CNTNAP3: variants seen among roughly 807,000 people sequenced by gnomAD.
The protein encoded by CNTNAP3 is contactin associated protein family member 3.
In CNTNAP3, 36 loss-of-function variants were observed where a neutral mutation model predicts 92.1. The ratio of observed to expected loss-of-function variants is 0.39; its 90% CI spans 0.30 to 0.52. The LOEUF is 0.52. Among genes scored for constraint, CNTNAP3 ranks in the 20% least tolerant of loss-of-function variants. The pLI is 0.76. For missense variants in CNTNAP3, 534 were observed against 1,069.6 expected (o/e 0.50, Z 6.98); for synonymous variants, 232 against 422.3 (o/e 0.55, Z 5.53).
Position 39,073,398 on chromosome 9 carries a change from G to A in CNTNAP3, c.*492C>T. The A allele has an allele frequency of 3.2e-6, 1 of 316,364 alleles. No individual in the cohort carries two copies. Among genetic ancestry groups the A allele is most frequent in the South Asian group, 3.1e-5 (1 of 32,142 alleles). The allele number at this position is 316,364 out of a possible 1,614,324, so 19.6% of individuals were successfully genotyped here. ...AGCATTTCTTGTTTTATAAATATCA[G>A]CAGAGGACCAAAAAAAGGGATCCCA... On this transcript the variant is annotated 3_prime_UTR_variant, in exon 24 of 24. Transcript: ENST00000297668.
At chr9:39,159,659 G>GATATAT (rs1822041880) in intron 9 of CNTNAP3, 1 of 139,186 alleles carries the variant, frequency 7.2e-6, no homozygotes, top group Non-Finnish European at 1.5e-5. Context: ...TAGATAGATA[G>GATATAT]ATAGATAGAT....
At chr9:39,099,704 A>T (rs1039353514) in intron 18 of CNTNAP3, 10 of 776,254 alleles carry the variant, frequency 1.3e-5, no homozygotes, top group Non-Finnish European at 1.8e-5. Context: ...TCTTCTAAAT[A>T]AGAAACCCAG....
intron 3 of CNTNAP3, among the ~76,000 whole-genome samples, chr9:39,204,894 A>T (rs1587750829): frequency 2.3e-5 from 1 of 43,358 alleles, no homozygotes; most frequent in Non-Finnish European, 3.5e-5. Context: ...CTGAAATGAA[A>T]TTTTTTTAAC....
chr9:39,150,182 TA>T (rs1821809781), intron 9 of CNTNAP3, among the ~76,000 whole-genome samples: 2 of 151,898 alleles, frequency 1.3e-5, no homozygotes, highest in South Asian at 4.2e-4. Flanking sequence ...AATAAGAAAT[TA>T]TGGGGGAAAA....
intron 12 of CNTNAP3, among the ~76,000 whole-genome samples, chr9:39,134,094 A>G (rs1821367690): frequency 6.6e-6 from 1 of 152,156 alleles, no homozygotes; most frequent in Non-Finnish European, 1.5e-5. Context: ...CTTGGCTGCT[A>G]ACTGTGCGTA....
Position 39,109,486 on chromosome 9 carries a change from G to C in CNTNAP3, c.2238-199C>G, listed in dbSNP as rs570052248. Among the ~76,000 whole-genome samples, 6 of 152,234 alleles carry C rather than the reference G, an allele frequency of 3.9e-5. No individual in the cohort carries two copies. The South Asian group carries it at 1.2e-3, about 32-fold the overall frequency. ...AACATTTTGTGTAAAGGACCATACA[G>C]CAAGCTATCTTAGCTCAGCAGGCCA... On this transcript the variant is annotated intron_variant, in intron 14 of 23. Coordinates refer to ENST00000297668, the MANE Select transcript of CNTNAP3 (RefSeq NM_033655.5).
At chr9:39,109,128 T>TG in intron 15 of CNTNAP3, 32 bp downstream of exon 15, 1 of 1,595,260 alleles carries the variant, frequency 6.3e-7, no homozygotes, top group Non-Finnish European at 8.5e-7. Flanking sequence ...AAAGTTATTA[T>TG]GAAAATAAAG....
intron 18 of CNTNAP3, among the ~76,000 whole-genome samples, chr9:39,098,144 C>T (rs1468780090): frequency 6.8e-6 from 1 of 146,290 alleles, no homozygotes; most frequent in African/African-American, 2.5e-5. Context: ...AATTTACTGT[C>T]TGGATAGAAA....
In CNTNAP3 at chr9:39,069,039, T is replaced by C. The variant is rs1825578428; in HGVS notation, c.*4851A>G. ...ACATACACATATATATATGTATGTATATAACACACATGAATCATATCCTAA... is the reference window on the plus strand; with the variant it reads ...ACATACACATATATATATGTATGTACATAACACACATGAATCATATCCTAA... On this transcript the variant is annotated 3_prime_UTR_variant, in exon 24 of 24. Coordinates refer to ENST00000297668, the MANE Select transcript of CNTNAP3 (RefSeq NM_033655.5). Among the ~76,000 whole-genome samples the C allele has an allele frequency of 6.6e-6, 1 of 152,400 alleles. No individual in the cohort carries two copies. The highest frequency in any genetic ancestry group is 2.1e-4 in the South Asian group (1 of 4,828).
intron 9 of CNTNAP3, among the ~76,000 whole-genome samples, chr9:39,150,195 T>C (rs1001738913): frequency 6.6e-6 from 1 of 151,900 alleles, no homozygotes; most frequent in Non-Finnish European, 1.5e-5. Flanking sequence ...GGGGGAAAAT[T>C]CAGATCTAAA....
chr9:39,094,019 A>G (rs925588698), intron 18 of CNTNAP3, among the ~76,000 whole-genome samples: 7 of 147,530 alleles, frequency 4.7e-5, no homozygotes, highest in African/African-American at 1.7e-4. Context: ...TCTTGCCAAA[A>G]CTTGTTATTT....
chr9:39,151,771 TA>T (rs1821849438), intron 9 of CNTNAP3, among the ~76,000 whole-genome samples: 1 of 147,286 alleles, frequency 6.8e-6, no homozygotes, highest in South Asian at 2.2e-4. Flanking sequence ...ATATAGCTTT[TA>T]AAAATTTTAT....
chr9:39,110,822 C>G (rs2778197), intron 14 of CNTNAP3, among the ~76,000 whole-genome samples: 2 of 151,984 alleles, frequency 1.3e-5, no homozygotes, highest in African/African-American at 4.8e-5. Flanking sequence ...TATATTTTAT[C>G]ACATATATGT....
intron 12 of CNTNAP3, among the ~76,000 whole-genome samples, chr9:39,134,003 A>C (rs1403813011): frequency 1.3e-5 from 2 of 152,202 alleles, no homozygotes; most frequent in Admixed American, 6.5e-5. Flanking sequence ...ATTTTTTAAG[A>C]ACTACGAAAC....
rs570699517 is a variant in CNTNAP3, at chr9:39,136,359, C to T, written c.1877-3224G>A. On this transcript the variant is annotated intron_variant, in intron 12 of 23. Transcript: ENST00000297668. Reference sequence around the variant, plus strand: ...AGAAGAAGAAAGAAAATAAGATCCACTGTTCTGTTGTCAGGAGCATACATA... The same window carrying T: ...AGAAGAAGAAAGAAAATAAGATCCATTGTTCTGTTGTCAGGAGCATACATA... 5.9e-5 allele frequency among the ~76,000 whole-genome samples: 9 copies of T among 152,140 alleles called. No homozygotes were observed. The South Asian group carries it at 1.9e-3, about 32-fold the overall frequency.
At chr9:39,133,207 G>A (rs1341716846) in intron 12 of CNTNAP3, 72 bp from the exon 13 acceptor site, 1 of 1,476,178 alleles carries the variant, frequency 6.8e-7, no homozygotes, top group African/African-American at 1.4e-5. Context: ...AAGCAGACCT[G>A]TCTTTTATGT....
At chr9:39,109,720 T>C (rs1455050558) in intron 14 of CNTNAP3, among the ~76,000 whole-genome samples, 1 of 152,144 alleles carries the variant, frequency 6.6e-6, no homozygotes, top group African/African-American at 2.4e-5. Context: ...AAAAATAGAC[T>C]AGTGGTCTGG....
intron 13 of CNTNAP3, among the ~76,000 whole-genome samples, chr9:39,132,663 T>A (rs910880047): frequency 2.0e-5 from 3 of 152,028 alleles, no homozygotes; most frequent in Non-Finnish European, 2.9e-5. Context: ...AGCTAAGGCA[T>A]AAGTTATCAG....
chr9:39,226,893 T>A (rs1822697865), intron 3 of CNTNAP3, among the ~76,000 whole-genome samples: 1 of 7,550 alleles, frequency 1.3e-4, no homozygotes, highest in Admixed American at 3.0e-3. Flanking sequence ...ATGATTTCAT[T>A]ACTTTTTATG....
Sources: allele counts gnomAD v4.1 joint callset (sites outside exome capture counted in the v4.1 genomes callset), GRCh38; gene constraint gnomAD v4.1.1; transcripts MANE v1.5; gene names NCBI Gene and HGNC (gene_info 2026-07-23, HGNC 2026-07-21).